Variants in ADAMTS17 observed in about 807,000 individuals in gnomAD.
ADAMTS17 encodes A disintegrin and metalloproteinase with thrombospondin motifs 17.
In ADAMTS17, 113 loss-of-function variants were observed where a neutral mutation model predicts 141.5. The observed-to-expected ratio is 0.80, with a 90% CI of 0.69 to 0.93. ADAMTS17 has a LOEUF of 0.93. Ranked by LOEUF, ADAMTS17 falls within the 40% of genes least tolerant of loss-of-function variation. ADAMTS17 has a pLI of 0.00. For synonymous variants in ADAMTS17, 768 were observed against 630.6 expected, an observed-to-expected ratio of 1.22 and a Z score of -3.27; for missense variants, 1,659 against 1,517.9, an observed-to-expected ratio of 1.09 and a Z score of -1.54.
chr15:100,227,754 T>C (rs535939510), intron 7 of ADAMTS17, among the ~76,000 whole-genome samples: 12 of 152,320 alleles, frequency 7.9e-5, no homozygotes, highest in Middle Eastern at 3.4e-3. Context: ...GCACAGCCAC[T>C]GCTGCAAGGG....
Position 100,261,532 on chromosome 15 carries a change from A to G in ADAMTS17, c.978T>C (p.Val326=), listed in dbSNP as rs368653624. ...GGGGCGGGTCGTCCTTCCCGCCGGG[A>G]ACCTGGTTATTGCCGAGGTATCGCG... The part of the protein sequence containing the change: ...GGARYLGNNQ[V]PGGKDDPPLV... The change falls in exon 6 of 22, where the codon GTT becomes GTC. Residue 326 remains valine (V), a synonymous_variant. Coordinates refer to ENST00000268070, the MANE Select transcript of ADAMTS17 (RefSeq NM_139057.4). 10 of 1,614,156 alleles carry G rather than the reference A, an allele frequency of 6.2e-6. No homozygotes were observed. The African/African-American group carries it at 1.3e-4, about 22-fold the overall frequency.
chr15:100,077,493 C>T (rs562465529), intron 15 of ADAMTS17, among the ~76,000 whole-genome samples: 15 of 150,290 alleles, frequency 1.0e-4, no homozygotes, highest in East Asian at 1.9e-4. Context: ...CAATATAATC[C>T]TCCATGTTAA....
chr15:100,073,543 A>G (rs1021483596), intron 15 of ADAMTS17, among the ~76,000 whole-genome samples: 4 of 151,940 alleles, frequency 2.6e-5, no homozygotes, highest in Admixed American at 6.6e-5. Flanking sequence ...ACTGGATTAA[A>G]AAAATGTGGC....
intron 5 of ADAMTS17, among the ~76,000 whole-genome samples, chr15:100,262,106 C>T (rs943949614): frequency 1.3e-5 from 2 of 152,190 alleles, no homozygotes; most frequent in African/African-American, 4.8e-5. Context: ...GAGACTCCAT[C>T]CGAGACCCTC....
At chr15:100,200,125 C>T (rs775342894) in intron 7 of ADAMTS17, among the ~76,000 whole-genome samples, 2 of 152,352 alleles carry the variant, frequency 1.3e-5, no homozygotes, top group Non-Finnish European at 2.9e-5. Context: ...ACGTGTGTCT[C>T]CACACACACA....
intron 4 of ADAMTS17, among the ~76,000 whole-genome samples, chr15:100,266,344 G>T (rs2043715783): frequency 6.6e-6 from 1 of 152,204 alleles, no homozygotes; most frequent in Non-Finnish European, 1.5e-5. Flanking sequence ...CAACTGCAGG[G>T]CCAGAGTGCT....
chr15:100,230,347 G>C (rs374387655), intron 7 of ADAMTS17, among the ~76,000 whole-genome samples: 2 of 152,222 alleles, frequency 1.3e-5, no homozygotes, highest in Non-Finnish European at 2.9e-5. Context: ...GGGCAGGCTA[G>C]ATAGTAACAG....
At position 99,997,353 on chromosome 15, in the gene ADAMTS17, G is replaced by T; in HGVS notation, c.2796+32C>A. On this transcript the variant is annotated intron_variant, in intron 19 of 21. Transcript: ENST00000268070. The surrounding 1 kb of genome is among the most constrained non-coding windows in gnomAD (Gnocchi z 4.7). ...ATGGCACCGTGTTGGAGTCCCTGTG[G>T]CTGAGTCCTGGTGGCAAGCCCAGGC... 6.2e-7 allele frequency: 1 copy of T among 1,612,244 alleles called. No homozygotes were observed. Among genetic ancestry groups the T allele is most frequent in the Non-Finnish European group, 8.5e-7 (1 of 1,179,050 alleles).
intron 8 of ADAMTS17, among the ~76,000 whole-genome samples, chr15:100,191,985 A>G (rs997987088): frequency 6.6e-6 from 1 of 152,230 alleles, no homozygotes; most frequent in Admixed American, 6.5e-5. Flanking sequence ...TGCCTGTATC[A>G]AAGTATCTCA....
intron 15 of ADAMTS17, among the ~76,000 whole-genome samples, chr15:100,077,448 T>G: frequency 8.9e-6 from 1 of 112,508 alleles, no homozygotes. Context: ...GGCAACAGAG[T>G]GAGACTCCCT....
intron 8 of ADAMTS17, among the ~76,000 whole-genome samples, chr15:100,183,052 G>A (rs1022028744): frequency 2.0e-5 from 3 of 151,886 alleles, no homozygotes; most frequent in African/African-American, 2.4e-5. Context: ...GCGGTGGCAC[G>A]ATCTCAGCTC....
chr15:100,097,516 C>G (rs1397832883), intron 14 of ADAMTS17, among the ~76,000 whole-genome samples: 1 of 152,262 alleles, frequency 6.6e-6, no homozygotes, highest in Admixed American at 6.5e-5. Flanking sequence ...AGAGCTAGCA[C>G]AGCGCCTCGG....
intron 8 of ADAMTS17, among the ~76,000 whole-genome samples, chr15:100,187,663 A>G (rs1439777262): frequency 6.6e-6 from 1 of 152,176 alleles, no homozygotes; most frequent in East Asian, 1.9e-4. Context: ...TGCTTTTCAT[A>G]CCTGACTCAA....
Position 100,175,349 on chromosome 15 carries a change from G to A in ADAMTS17, c.1182-20029C>T, listed in dbSNP as rs139222877. ...CTTCTGTCCTTATCCTTGGTCACCC[G>A]GCATGGCCTAAGGATTTTCCTTCTG... On this transcript the variant is annotated intron_variant, in intron 8 of 21. Transcript: ENST00000268070. Among the ~76,000 whole-genome samples, 43 of 152,240 alleles carry A rather than the reference G, an allele frequency of 2.8e-4. No homozygotes were observed. The East Asian group carries it at 7.0e-3, about 25-fold the overall frequency.
chr15:100,053,930 G>A lies in ADAMTS17; in HGVS notation c.2262C>T (p.Ala754=). ...GCAGCGGTAGTTTGGTTGGTCCCTT[G>A]GCAGAGATCTTCTCCCACAGCCCCC... ...VRRGLWEKIS[A]KGPTKLPLHL... is the part of the protein sequence containing the mutation. The change falls in exon 16 of 22, where the codon GCC becomes GCT. Residue 754 remains alanine, a synonymous_variant. Transcript: ENST00000268070. The A allele has an allele frequency of 6.2e-7, 1 of 1,614,188 alleles. No individual in the cohort carries two copies. Among genetic ancestry groups the A allele is most frequent in the Non-Finnish European group, 8.5e-7 (1 of 1,180,034 alleles).
chr15:100,205,758 G>A (rs2041521058), intron 7 of ADAMTS17, among the ~76,000 whole-genome samples: 1 of 152,234 alleles, frequency 6.6e-6, no homozygotes, highest in Admixed American at 6.5e-5. Flanking sequence ...AGTCTAAGCT[G>A]AGCAGGCACA....
Position 100,063,635 on chromosome 15 carries a change from G to A in ADAMTS17, c.2138-9581C>T, listed in dbSNP as rs903482434. The A allele has an allele frequency of 3.9e-6, 5 of 1,285,098 alleles. No homozygotes were observed. In the African/African-American group the frequency reaches 7.6e-5, roughly 20 times the overall value. 79.6% of individuals were successfully genotyped at this position (1,285,098 alleles called of 1,614,324 possible). A position where few individuals can be genotyped will look rare whatever the true frequency, so the allele number is the denominator to read the frequency against. The stretch of plus-strand genomic sequence containing the variant: ...ATTTACCAGACTGATCATCAAAATC[G>A]ATTCTCAACACATAAATGGTGAGTC... On this transcript the variant is annotated intron_variant, in intron 15 of 21. Transcript: ENST00000268070.
intron 18 of ADAMTS17, among the ~76,000 whole-genome samples, chr15:100,017,233 G>A (rs1285822872): frequency 4.6e-5 from 7 of 152,184 alleles, no homozygotes; most frequent in East Asian, 1.9e-4. Context: ...CAACAGCCCC[G>A]AGTCTGTTTC....
At chr15:100,184,325 G>A (rs865909415) in intron 8 of ADAMTS17, among the ~76,000 whole-genome samples, 2 of 152,192 alleles carry the variant, frequency 1.3e-5, no homozygotes, top group African/African-American at 2.4e-5. Context: ...TGCCCCAATC[G>A]GTGTATGTGG....
Sources: allele counts gnomAD v4.1 joint callset (sites outside exome capture counted in the v4.1 genomes callset), GRCh38; gene constraint gnomAD v4.1.1; non-coding constraint Gnocchi (gnomAD v3.1); transcripts MANE v1.5; gene names NCBI Gene and HGNC (gene_info 2026-07-23, HGNC 2026-07-21).